Variants in TLK1 observed in about 807,000 individuals in gnomAD.
TLK1 encodes tousled like kinase 1.
Under a neutral mutation model 105.3 loss-of-function variants are expected in TLK1, and 24 were observed. The ratio of observed to expected loss-of-function variants is 0.23; its 90% CI spans 0.17 to 0.32. The LOEUF is 0.32. Ranked by LOEUF, TLK1 falls within the 10% of genes least tolerant of loss-of-function variation. The probability of loss-of-function intolerance (pLI) is 1.00; values close to 1 mark genes in which losing one functional copy is unlikely to be tolerated. For synonymous variants in TLK1, 321 were observed against 310.4 expected (o/e 1.03, Z -0.36); for missense variants, 558 against 910.5 (o/e 0.61, Z 4.98).
chr2:171,069,779 G>A (rs1387259649), intron 3 of TLK1, among the ~76,000 whole-genome samples: 1 of 152,138 alleles, frequency 6.6e-6, no homozygotes, highest in East Asian at 1.9e-4. Flanking sequence ...GATGATTTAT[G>A]GATTATGTAT....
At chr2:171,021,791 A>T (rs1175089003) in intron 12 of TLK1, among the ~76,000 whole-genome samples, 2 of 152,132 alleles carry the variant, frequency 1.3e-5, no homozygotes, top group Non-Finnish European at 2.9e-5. Context: ...TGCCTGTATA[A>T]CAACAGGATT....
At chr2:171,069,461 A>G (rs1688152680) in intron 3 of TLK1, among the ~76,000 whole-genome samples, 1 of 152,196 alleles carries the variant, frequency 6.6e-6, no homozygotes, top group African/African-American at 2.4e-5. Flanking sequence ...GGTATTTGGC[A>G]ATACCTAGAG....
At chr2:171,071,176 C>T (rs13428697) in intron 3 of TLK1, among the ~76,000 whole-genome samples, 2,222 of 152,230 alleles carry the variant, frequency 0.015, 53 homozygotes, top group African/African-American at 0.05. Flanking sequence ...GTTATTTATT[C>T]CTTGTCAGAT....
chr2:171,024,489 A>AGCAG (rs1685682467), intron 12 of TLK1, among the ~76,000 whole-genome samples: 1 of 152,192 alleles, frequency 6.6e-6, no homozygotes, highest in Non-Finnish European at 1.5e-5. Context: ...TAGCACGTTC[A>AGCAG]TCCCGCCACA....
chr2:171,078,716 C>T (rs989110350), intron 3 of TLK1, among the ~76,000 whole-genome samples: 1 of 152,166 alleles, frequency 6.6e-6, no homozygotes, highest in Non-Finnish European at 1.5e-5. Flanking sequence ...AGGCAGAGCC[C>T]AAACAGCAAA....
chr2:171,230,738 C>G (rs999777550), intron 1 of TLK1, among the ~76,000 whole-genome samples: 1 of 152,226 alleles, frequency 6.6e-6, no homozygotes, highest in Non-Finnish European at 1.5e-5. Context: ...ACTACAGTTA[C>G]ATAATCATTC....
chr2:171,223,498 T>TTC (rs397986644), intron 1 of TLK1, among the ~76,000 whole-genome samples: 2 of 150,862 alleles, frequency 1.3e-5, no homozygotes, highest in African/African-American at 4.9e-5. Flanking sequence ...TTTTTTTTTT[T>TTC]GGAAGGACTC....
chr2:171,020,204 C>A (rs1335755203), intron 12 of TLK1, among the ~76,000 whole-genome samples: 2 of 151,700 alleles, frequency 1.3e-5, no homozygotes, highest in Non-Finnish European at 2.9e-5. Context: ...TGAAAGTTTA[C>A]CACCAAGAAA....
At chr2:171,107,023 T>C (rs903535551) in intron 2 of TLK1, among the ~76,000 whole-genome samples, 4 of 152,230 alleles carry the variant, frequency 2.6e-5, no homozygotes, top group Admixed American at 2.6e-4. Flanking sequence ...CTTGTCTCTT[T>C]AGCCTCATCC....
intron 2 of TLK1, among the ~76,000 whole-genome samples, chr2:171,106,202 G>A (rs934002755): frequency 1.3e-5 from 2 of 152,140 alleles, no homozygotes; most frequent in African/African-American, 4.8e-5. Context: ...GGCGGGAGGG[G>A]ACAGCCAACA....
At chr2:171,031,386 T>C (rs1686038922) in intron 11 of TLK1, among the ~76,000 whole-genome samples, 1 of 152,334 alleles carries the variant, frequency 6.6e-6, no homozygotes, top group East Asian at 1.9e-4. Flanking sequence ...GCTAGGATAA[T>C]GTTCACATCA....
At chr2:171,071,122 CAT>C (rs758498493) in intron 3 of TLK1, among the ~76,000 whole-genome samples, 8 of 152,110 alleles carry the variant, frequency 5.3e-5, no homozygotes, top group East Asian at 1.9e-4. Context: ...ATTGGATTAT[CAT>C]ATGTTTTCCT....
At chr2:171,009,836 A>G (rs969816418) in intron 14 of TLK1, among the ~76,000 whole-genome samples, 4 of 152,224 alleles carry the variant, frequency 2.6e-5, no homozygotes, top group Non-Finnish European at 5.9e-5. Flanking sequence ...CAAAGCTTTT[A>G]ACCAACTATG....
At chr2:171,029,928 T>C (rs144989238) in intron 11 of TLK1, among the ~76,000 whole-genome samples, 20 of 152,308 alleles carry the variant, frequency 1.3e-4, no homozygotes, top group African/African-American at 4.8e-4. Context: ...GCATTTTTAG[T>C]AGAGACGGAG....
chr2:171,130,403 GA>G (rs922853678), intron 1 of TLK1, among the ~76,000 whole-genome samples: 4 of 148,042 alleles, frequency 2.7e-5, no homozygotes, highest in African/African-American at 7.5e-5. Context: ...CTATCTCGGG[GA>G]AAAAAAAAAT....
At chr2:171,175,328 G>A (rs1382077549) in intron 1 of TLK1, among the ~76,000 whole-genome samples, 3 of 151,982 alleles carry the variant, frequency 2.0e-5, no homozygotes, top group Non-Finnish European at 4.4e-5. Context: ...AGAAATAGTA[G>A]TGGTTGCATT....
At chr2:171,069,227 G>T (rs1688144923) in intron 3 of TLK1, among the ~76,000 whole-genome samples, 1 of 152,154 alleles carries the variant, frequency 6.6e-6, no homozygotes. Context: ...TAATAGCACA[G>T]TAGTTGAGAG....
At chr2:171,159,144 T>G (rs1692350206) in intron 1 of TLK1, among the ~76,000 whole-genome samples, 1 of 152,180 alleles carries the variant, frequency 6.6e-6, no homozygotes, top group African/African-American at 2.4e-5. Flanking sequence ...GATTCCTACA[T>G]AAATCGAAGC....
intron 18 of TLK1, among the ~76,000 whole-genome samples, chr2:171,004,732 CTT>C (rs1559336404): frequency 6.6e-6 from 1 of 151,592 alleles, no homozygotes; most frequent in African/African-American, 2.4e-5. Context: ...TACCAAGATG[CTT>C]TGTTTTTGTT....
Sources: gnomAD v4.1 joint callset for allele counts (sites outside exome capture counted in the v4.1 genomes callset) on GRCh38, gnomAD v4.1.1 for gene constraint, MANE v1.5 for transcripts, NCBI Gene and HGNC (gene_info 2026-07-23, HGNC 2026-07-21) for gene names.